CAPN5: variants seen among roughly 807,000 people sequenced by gnomAD.
CAPN5 encodes the protein calpain-5.
A neutral mutation model predicts 73.0 loss-of-function variants in CAPN5; 54 were observed. That is an observed-to-expected ratio of 0.74 (90% CI 0.59 to 0.93). CAPN5 has a LOEUF of 0.93. Ranked by LOEUF, CAPN5 falls within the 40% of genes least tolerant of loss-of-function variation. The pLI, the probability that CAPN5 is intolerant of heterozygous loss-of-function variation, is 0.00. For synonymous variants in CAPN5, 335 were observed against 356.9 expected (o/e 0.94, Z 0.69); for missense variants, 785 against 882.9 (o/e 0.89, Z 1.41).
chr11:77,118,096 G>A, intron 7 of CAPN5, 61 bp from the exon 8 acceptor site: 9 of 1,487,668 alleles, frequency 6.0e-6, no homozygotes, highest in Non-Finnish European at 8.3e-6. Context: ...GTTGGGCTGG[G>A]GGGCCAAGAG....
At chr11:77,087,760 C>CGAGGCAG (rs2135427867) in intron 2 of CAPN5, among the ~76,000 whole-genome samples, 2 of 152,176 alleles carry the variant, frequency 1.3e-5, no homozygotes, top group South Asian at 4.2e-4. Context: ...GTTCCCCTCT[C>CGAGGCAG]TTGCTCGTCT....
At chr11:77,116,381 T>G in intron 7 of CAPN5, 78 bp downstream of exon 7, 1 of 1,156,122 alleles carries the variant, frequency 8.6e-7, no homozygotes, top group South Asian at 1.3e-5. Flanking sequence ...AGGTGGGGAG[T>G]CAGGAGCCAG....
At chr11:77,119,258 G>A (rs187753317) in intron 9 of CAPN5, 106 bp downstream of exon 9, 36 of 1,218,798 alleles carry the variant, frequency 3.0e-5, no homozygotes, top group Admixed American at 1.4e-4. Flanking sequence ...GGTCACTGCC[G>A]CTGCCCTGGC....
chr11:77,092,484 G>A (rs1555036672), intron 2 of CAPN5, among the ~76,000 whole-genome samples: 1 of 152,220 alleles, frequency 6.6e-6, no homozygotes, highest in Non-Finnish European at 1.5e-5. Flanking sequence ...GGTGCAGAGG[G>A]CACCTGGTAC....
chr11:77,111,905 TGAG>T (rs1161222017), intron 3 of CAPN5, among the ~76,000 whole-genome samples: 11 of 146,844 alleles, frequency 7.5e-5, no homozygotes, highest in South Asian at 2.2e-4. Flanking sequence ...TACTGAGTAA[TGAG>T]GAGAAGGAAG....
chr11:77,069,581 A>C (rs1007898443), intron 1 of CAPN5, among the ~76,000 whole-genome samples: 9 of 152,238 alleles, frequency 5.9e-5, no homozygotes, highest in Admixed American at 4.6e-4. Flanking sequence ...GTAAAGGTTG[A>C]ACAGAAAGCC....
intron 3 of CAPN5, among the ~76,000 whole-genome samples, chr11:77,100,597 G>T (rs782102119): frequency 2.0e-5 from 3 of 152,202 alleles, no homozygotes; most frequent in South Asian, 4.1e-4. Context: ...AGAAATAGGG[G>T]ATCCTCCTTC....
chr11:77,115,619 G>A, intron 6 of CAPN5, 31 bp downstream of exon 6: 3 of 1,573,530 alleles, frequency 1.9e-6, no homozygotes, highest in Non-Finnish European at 2.6e-6. Flanking sequence ...TGCAGGCACA[G>A]GGCATGAGGG....
chr11:77,115,072 A>G (rs553207842), intron 5 of CAPN5, among the ~76,000 whole-genome samples: 3 of 152,108 alleles, frequency 2.0e-5, no homozygotes, highest in Non-Finnish European at 2.9e-5. Context: ...CAAAAAAAAA[A>G]CAAAAAACAA....
chr11:77,105,537 C>G (rs1950336796), intron 3 of CAPN5, among the ~76,000 whole-genome samples: 1 of 152,194 alleles, frequency 6.6e-6, no homozygotes, highest in African/African-American at 2.4e-5. Flanking sequence ...CCTTGCAGGG[C>G]CACTGGGCAG....
intron 7 of CAPN5, among the ~76,000 whole-genome samples, chr11:77,117,149 T>C (rs1555041903): frequency 1.3e-5 from 2 of 151,932 alleles, no homozygotes; most frequent in African/African-American, 4.8e-5. Context: ...GAGGGGAGGA[T>C]TGCTTGAGCC....
At chr11:77,119,565 G>A (rs1591148968) in intron 9 of CAPN5, 2 of 190,772 alleles carry the variant, frequency 1.0e-5, no homozygotes, top group Non-Finnish European at 2.2e-5. Flanking sequence ...GCACCAGGAG[G>A]AGGCATCCTT....
chr11:77,086,637 C>G (rs1170214063), intron 2 of CAPN5, among the ~76,000 whole-genome samples: 2 of 152,208 alleles, frequency 1.3e-5, no homozygotes, highest in African/African-American at 4.8e-5. Context: ...GGAGGGAGGC[C>G]TTGGCCTCAA....
intron 2 of CAPN5, among the ~76,000 whole-genome samples, chr11:77,088,698 T>C (rs985251794): frequency 6.6e-6 from 1 of 150,834 alleles, no homozygotes; most frequent in African/African-American, 2.4e-5. Flanking sequence ...GGACAAAGAG[T>C]GGGGGAGGAG....
intron 4 of CAPN5, 170 bp downstream of exon 4, chr11:77,112,967 G>C: frequency 3.0e-6 from 2 of 658,714 alleles, no homozygotes; most frequent in Non-Finnish European, 5.3e-6. Flanking sequence ...AGCTGAGCCT[G>C]TGCTGGGTGG....
Position 77,120,717 on chromosome 11 carries a change from A to C in CAPN5, c.1295A>C (p.Glu432Ala), listed in dbSNP as rs782286637. ...LAIGFDIYKVEENRQYRMHSL... is the reference protein window; with the variant it reads ...LAIGFDIYKVAENRQYRMHSL... ...AGCCCCTCCCGCCTCCTGCAGGTGG[A>C]GGAGAACCGCCAGTACCGCATGCAC... The change falls in exon 10 of 13, where the codon GAG (glutamate) becomes GCG (alanine). Residue 432 changes from glutamate to alanine, a missense_variant. Coordinates refer to ENST00000648180, the MANE Select transcript of CAPN5 (RefSeq NM_004055.5). 6.2e-7 allele frequency: 1 copy of C among 1,601,852 alleles called. No homozygotes were observed. Among genetic ancestry groups the C allele is most frequent in the Non-Finnish European group, 8.5e-7 (1 of 1,172,466 alleles).
At chr11:77,074,192 G>T (rs1403338581) in intron 1 of CAPN5, among the ~76,000 whole-genome samples, 1 of 152,196 alleles carries the variant, frequency 6.6e-6, no homozygotes, top group Non-Finnish European at 1.5e-5. Flanking sequence ...GTCCCCTCTG[G>T]CTTCTGGCCT....
chr11:77,100,402 T>G (rs1439645914), intron 3 of CAPN5, among the ~76,000 whole-genome samples: 2 of 151,086 alleles, frequency 1.3e-5, no homozygotes, highest in African/African-American at 4.9e-5. Context: ...GGCCTTCCCT[T>G]GGCTCCCACC....
chr11:77,099,925 C>T (rs1466256606), intron 3 of CAPN5, among the ~76,000 whole-genome samples: 2 of 152,146 alleles, frequency 1.3e-5, no homozygotes, highest in Non-Finnish European at 1.5e-5. Flanking sequence ...TAACCTCCAC[C>T]TCCCGGGTTC....
Sources: gnomAD v4.1 joint callset for allele counts (sites outside exome capture counted in the v4.1 genomes callset) on GRCh38, gnomAD v4.1.1 for gene constraint, MANE v1.5 for transcripts, NCBI Gene and HGNC (gene_info 2026-07-23, HGNC 2026-07-21) for gene names.